The following CRMP1 variants were observed in gnomAD, a reference collection of about 807,000 sequenced individuals.
CRMP1 encodes dihydropyrimidinase-related protein 1.
CRMP1 carries 19 observed loss-of-function variants against 68.3 expected under a neutral mutation model. The observed-to-expected ratio is 0.28, with a 90% CI of 0.19 to 0.41. The LOEUF (loss-of-function observed/expected upper bound fraction) is 0.41. CRMP1 is among the 10% of genes least tolerant of loss of function. CRMP1 has a pLI of 1.00. For synonymous variants in CRMP1, 439 were observed against 399.6 expected (o/e 1.10, Z -1.18); for missense variants, 791 against 967.4 (o/e 0.82, Z 2.42).
At chr4:5,845,158 T>C (rs922336014) in intron 6 of CRMP1, among the ~76,000 whole-genome samples, 7 of 152,234 alleles carry the variant, frequency 4.6e-5, no homozygotes, top group Non-Finnish European at 7.3e-5. Flanking sequence ...AAGATTTGTG[T>C]GGCAGCAACT....
In CRMP1 at chr4:5,842,617, C is replaced by T. The variant is rs1371653731; in HGVS notation, c.1032+476G>A. Among the ~76,000 whole-genome samples the T allele has an allele frequency of 1.4e-5, 2 of 146,948 alleles. No homozygotes were observed. On this transcript the variant is annotated intron_variant, in intron 7 of 13. Coordinates refer to ENST00000324989, the MANE Select transcript of CRMP1 (RefSeq NM_001014809.3). The surrounding 1 kb of genome is among the most constrained non-coding windows in gnomAD (Gnocchi z 4.5). The stretch of plus-strand genomic sequence containing the variant: ...ACTCTCTCACACACACACACACACA[C>T]TCACTCACACACACACACACGCACT...
At chr4:5,869,707 A>G (rs1055115023) in intron 1 of CRMP1, among the ~76,000 whole-genome samples, 1 of 151,280 alleles carries the variant, frequency 6.6e-6, no homozygotes, top group Non-Finnish European at 1.5e-5. Flanking sequence ...AAAAAGAAAA[A>G]GAAAAGAAGT....
At position 5,841,281 on chromosome 4, in the gene CRMP1, C is replaced by T. The variant is rs766740535; in HGVS notation, c.1153+27G>A. 21 of 1,613,650 alleles carry T rather than the reference C, an allele frequency of 1.3e-5. No homozygotes were observed. The South Asian group carries it at 2.2e-4, about 17-fold the overall frequency. ...ACCCCCTTCCAGGCCCCAGCTGCCC[C>T]CAGAAGGCCCAGGGCCGGCTGCATA... On this transcript the variant is annotated intron_variant, in intron 8 of 13. Coordinates refer to ENST00000324989, the MANE Select transcript of CRMP1 (RefSeq NM_001014809.3). This position sits in a 1 kb window ranked among gnomAD's most constrained non-coding sequence, Gnocchi z 6.9.
In CRMP1 at chr4:5,833,242, C is replaced by T. The variant is rs921116599; in HGVS notation, c.1623+2673G>A. Among the ~76,000 whole-genome samples, 7 of 88,192 alleles carry T rather than the reference C, an allele frequency of 7.9e-5. 1 individual carries two copies. The East Asian group carries it at 1.9e-3, about 24-fold the overall frequency. 57.9% of individuals were successfully genotyped at this position (88,192 alleles called of 152,430 possible). A position where few individuals can be genotyped will look rare whatever the true frequency, so the allele number is the denominator to read the frequency against. ...AGTGCAGTGGTGGGATCTCGGCTCA[C>T]CGCAAGCTCCGCCTCCCGGGTTCAC... On this transcript the variant is annotated intron_variant, in intron 11 of 13. Transcript: ENST00000324989.
Position 5,860,903 on chromosome 4 carries a change from G to T in CRMP1, c.655+123C>A. 1 of 953,964 alleles carries T rather than the reference G, an allele frequency of 1.0e-6. No individual in the cohort carries two copies. The highest frequency in any genetic ancestry group is 1.5e-6 in the Non-Finnish European group (1 of 648,872). 59.1% of individuals were successfully genotyped at this position (953,964 alleles called of 1,614,324 possible). A position where few individuals can be genotyped will look rare whatever the true frequency, so the allele number is the denominator to read the frequency against. On this transcript the variant is annotated intron_variant, in intron 3 of 13. Transcript: ENST00000324989. This position sits in a 1 kb window ranked among gnomAD's most constrained non-coding sequence, Gnocchi z 4.2. ...AGTGACCTGTGTCATAGGGCTGGGG[G>T]GAGAATGAAATCCAATGGCACCCTG...
At position 5,833,316 on chromosome 4, in the gene CRMP1, G is replaced by A. The variant is rs1459706174; in HGVS notation, c.1623+2599C>T. Among the ~76,000 whole-genome samples, 38 of 132,788 alleles carry A rather than the reference G, an allele frequency of 2.9e-4. 6 individuals are homozygous for A. Among genetic ancestry groups the A allele is most frequent in the African/African-American group, 1.1e-3 (36 of 33,416 alleles). The allele number at this position is 132,788 out of a possible 152,430, so 87.1% of individuals were successfully genotyped here. ...CGAGTAGCTGGGACTACAGGCGCCC[G>A]CCACTACGCCCGGCTAATTTTTTGT... On this transcript the variant is annotated intron_variant, in intron 11 of 13. Transcript: ENST00000324989.
At chr4:5,885,977 G>C (rs1715557764) in intron 1 of CRMP1, among the ~76,000 whole-genome samples, 1 of 152,192 alleles carries the variant, frequency 6.6e-6, no homozygotes, top group South Asian at 2.1e-4. Flanking sequence ...TTAAGGCAGG[G>C]ATCTGGTTCC....
intron 1 of CRMP1, among the ~76,000 whole-genome samples, chr4:5,876,842 C>T (rs771140338): frequency 6.8e-6 from 1 of 147,806 alleles, no homozygotes; most frequent in Non-Finnish European, 1.5e-5. Flanking sequence ...GGGCTTTTAT[C>T]AAGATATTCA....
At chr4:5,837,024 T>A in intron 9 of CRMP1, 118 bp from the exon 10 acceptor site, 1 of 1,193,892 alleles carries the variant, frequency 8.4e-7, no homozygotes, top group Non-Finnish European at 1.2e-6. Flanking sequence ...AGGAAGCCAG[T>A]GGGTAAGAGA....
rs908808151 is a variant in CRMP1, at chr4:5,850,220, T to C, written c.883-748A>G. Among the ~76,000 whole-genome samples the C allele has an allele frequency of 6.6e-6, 1 of 152,168 alleles. No individual in the cohort carries two copies. The highest frequency in any genetic ancestry group is 2.4e-5 in the African/African-American group (1 of 41,448). Reference sequence around the variant, plus strand: ...TCGGATGTCTGCTTTCCGACAGACATCCCTATTTCAGCAAATAGGGAAGGC... The same window carrying C: ...TCGGATGTCTGCTTTCCGACAGACACCCCTATTTCAGCAAATAGGGAAGGC... On this transcript the variant is annotated intron_variant, in intron 5 of 13. Coordinates refer to ENST00000324989, the MANE Select transcript of CRMP1 (RefSeq NM_001014809.3). This position sits in a 1 kb window ranked among gnomAD's most constrained non-coding sequence, Gnocchi z 4.4.
intron 11 of CRMP1, among the ~76,000 whole-genome samples, chr4:5,831,504 C>T (rs1479856106): frequency 6.6e-6 from 1 of 152,120 alleles, no homozygotes; most frequent in Non-Finnish European, 1.5e-5. Context: ...CCTAATTCTC[C>T]CTCACCCTAA....
chr4:5,848,147 ATTT>A (rs200762390), intron 6 of CRMP1, among the ~76,000 whole-genome samples: 2 of 139,282 alleles, frequency 1.4e-5, no homozygotes, highest in African/African-American at 5.3e-5. Context: ...CCCTGACTTC[ATTT>A]TTTTTTTTTT....
intron 1 of CRMP1, among the ~76,000 whole-genome samples, chr4:5,876,847 TATTC>T (rs1208496711): frequency 6.7e-6 from 1 of 150,092 alleles, no homozygotes; most frequent in Non-Finnish European, 1.5e-5. Context: ...TTTATCAAGA[TATTC>T]ATTCACCAGA....
At chr4:5,846,889 A>ACAGGCATG (rs2152461648) in intron 6 of CRMP1, among the ~76,000 whole-genome samples, 1 of 148,568 alleles carries the variant, frequency 6.7e-6, no homozygotes, top group East Asian at 2.0e-4. Flanking sequence ...TGCTGGGATT[A>ACAGGCATG]CAGGCATGAG....
rs115933164 is a variant in CRMP1, at chr4:5,877,592, T to C, written c.382-10836A>G. Among the ~76,000 whole-genome samples the C allele has an allele frequency of 9.2e-5, 14 of 152,342 alleles. No individual in the cohort carries two copies. The highest frequency in any genetic ancestry group is 3.4e-3 in the Middle Eastern group (1 of 294). ...GGCCCTTTGCCACACTATCCAGGAA[T>C]GCAACCCACGAAGTGGCAACCGGTA... is the stretch of plus-strand genomic sequence containing the variant. On this transcript the variant is annotated intron_variant, in intron 1 of 13. Transcript: ENST00000324989. The surrounding 1 kb of genome is among the most constrained non-coding windows in gnomAD (Gnocchi z 4.3).
intron 4 of CRMP1, among the ~76,000 whole-genome samples, 165 bp from the exon 5 acceptor site, chr4:5,851,634 T>G (rs1309138868): frequency 2.0e-5 from 3 of 151,424 alleles, no homozygotes; most frequent in Non-Finnish European, 4.4e-5. Flanking sequence ...TGGGCGAAGG[T>G]CAAAGGAAGC....
intron 13 of CRMP1, chr4:5,824,589 C>T (rs1402313645): frequency 5.2e-6 from 5 of 960,092 alleles, no homozygotes; most frequent in Non-Finnish European, 6.2e-6. Context: ...ATCCGGCCCA[C>T]CGCCTGTTTC....
intron 1 of CRMP1, among the ~76,000 whole-genome samples, chr4:5,882,505 A>G (rs1248931520): frequency 6.6e-6 from 1 of 152,250 alleles, no homozygotes; most frequent in East Asian, 1.9e-4. Flanking sequence ...CATTGCATTT[A>G]ATATGTGCAG....
Position 5,877,744 on chromosome 4 carries a change from G to A in CRMP1, c.382-10988C>T, listed in dbSNP as rs1053976667. Reference sequence around the variant, plus strand: ...GGACTGCAGGACTTTTTTTCCCCCCGATATTATGCCTGTTTCCATGACAAC... The same window carrying A: ...GGACTGCAGGACTTTTTTTCCCCCCAATATTATGCCTGTTTCCATGACAAC... On this transcript the variant is annotated intron_variant, in intron 1 of 13. Coordinates refer to ENST00000324989, the MANE Select transcript of CRMP1 (RefSeq NM_001014809.3). The surrounding 1 kb of genome is among the most constrained non-coding windows in gnomAD (Gnocchi z 4.3). Among the ~76,000 whole-genome samples the A allele has an allele frequency of 1.3e-4, 19 of 151,978 alleles. No individual in the cohort carries two copies. The highest frequency in any genetic ancestry group is 4.1e-4 in the African/African-American group (17 of 41,332).
Sources: gnomAD v4.1 joint callset for allele counts (sites outside exome capture counted in the v4.1 genomes callset) on GRCh38, gnomAD v4.1.1 for gene constraint, Gnocchi (gnomAD v3.1) non-coding constraint, MANE v1.5 for transcripts, NCBI Gene and HGNC (gene_info 2026-07-23, HGNC 2026-07-21) for gene names.